Variants in ADAMTSL1 observed in about 807,000 individuals in gnomAD.
ADAMTSL1 encodes the protein ADAMTS-like protein 1.
In ADAMTSL1, 126 loss-of-function variants were observed where a neutral mutation model predicts 201.8. The ratio of observed to expected loss-of-function variants is 0.62; its 90% CI spans 0.54 to 0.72. ADAMTSL1 has a LOEUF of 0.72. ADAMTSL1 is among the 30% of genes least tolerant of loss of function. ADAMTSL1 has a pLI of 0.00. For missense variants in ADAMTSL1, 2,679 were observed against 2,277.8 expected (o/e 1.18, Z -3.59); for synonymous variants, 1,121 against 903.4 (o/e 1.24, Z -4.32).
At chr9:18,705,353 C>T (rs1310073233) in intron 13 of ADAMTSL1, among the ~76,000 whole-genome samples, 1 of 152,174 alleles carries the variant, frequency 6.6e-6, no homozygotes, top group Admixed American at 6.5e-5. Context: ...CTGAATTACA[C>T]TAACTTTTTG....
At chr9:18,458,432 A>C (rs181690882) in intron 2 of ADAMTSL1, among the ~76,000 whole-genome samples, 49 of 152,320 alleles carry the variant, frequency 3.2e-4, no homozygotes, top group Admixed American at 3.2e-3. Context: ...TGAGTGGATC[A>C]CTGCCCACAG....
intron 2 of ADAMTSL1, among the ~76,000 whole-genome samples, chr9:18,177,902 A>T (rs563832805): frequency 6.6e-4 from 100 of 152,310 alleles, no homozygotes; most frequent in African/African-American, 2.2e-3. Context: ...TAGGTGAAAC[A>T]ATAATTGAAT....
chr9:18,182,777 A>G (rs1828558611), intron 2 of ADAMTSL1, among the ~76,000 whole-genome samples: 1 of 152,206 alleles, frequency 6.6e-6, no homozygotes, highest in Admixed American at 6.5e-5. Context: ...CACCTTATCA[A>G]GGTTACATGC....
At chr9:18,627,227 C>G (rs897341621) in intron 5 of ADAMTSL1, among the ~76,000 whole-genome samples, 1 of 152,118 alleles carries the variant, frequency 6.6e-6, no homozygotes, top group African/African-American at 2.4e-5. Flanking sequence ...AGTGATCTGC[C>G]CACCTCAACC....
chr9:18,408,881 C>T (rs1211966122), intron 2 of ADAMTSL1, among the ~76,000 whole-genome samples: 1 of 152,078 alleles, frequency 6.6e-6, no homozygotes, highest in African/African-American at 2.4e-5. Context: ...TGAACCTAAA[C>T]CTTTTAAGAG....
chr9:17,979,456 A>G (rs747362871), intron 1 of ADAMTSL1, among the ~76,000 whole-genome samples: 46 of 152,014 alleles, frequency 3.0e-4, no homozygotes, highest in Middle Eastern at 3.4e-3. Context: ...GATCAGGGTC[A>G]TGCTTGATAA....
At chr9:18,449,187 ACT>A (rs907509431) in intron 2 of ADAMTSL1, among the ~76,000 whole-genome samples, 4 of 151,804 alleles carry the variant, frequency 2.6e-5, no homozygotes, top group African/African-American at 4.8e-5. Context: ...AATTCTTTGA[ACT>A]TTTTCTGAGT....
At chr9:18,088,973 TG>T (rs1823887550) in intron 1 of ADAMTSL1, among the ~76,000 whole-genome samples, 1 of 152,122 alleles carries the variant, frequency 6.6e-6, no homozygotes, top group African/African-American at 2.4e-5. Context: ...AAACAAGGTA[TG>T]GAAACAACCT....
At position 18,339,073 on chromosome 9, in the gene ADAMTSL1, G is replaced by T. The variant is rs1370611185; in HGVS notation, c.208-165756G>T. On this transcript the variant is annotated intron_variant, in intron 2 of 29. Coordinates refer to the ADAMTSL1 transcript ENST00000680146. ...TGTCTTTGCTATAGTGAATAGTGCT[G>T]CAGTGAACATACTCATGCACGTGTC... is the stretch of plus-strand genomic sequence containing the variant. 3.3e-5 allele frequency among the ~76,000 whole-genome samples: 5 copies of T among 152,074 alleles called. No homozygotes were observed. The East Asian group carries it at 7.7e-4, about 23-fold the overall frequency.
intron 1 of ADAMTSL1, among the ~76,000 whole-genome samples, chr9:17,909,206 A>C (rs1825838084): frequency 2.7e-5 from 4 of 147,218 alleles, no homozygotes; most frequent in Admixed American, 2.0e-4. Context: ...AGTTCATTGT[A>C]GATTCTGGGT....
chr9:18,730,588 T>TC (rs1352964658), intron 15 of ADAMTSL1, among the ~76,000 whole-genome samples: 1 of 152,228 alleles, frequency 6.6e-6, no homozygotes, highest in African/African-American at 2.4e-5. Context: ...CTTCTTCATT[T>TC]TATCTAGTTA....
intron 9 of ADAMTSL1, among the ~76,000 whole-genome samples, chr9:18,675,198 A>C (rs1830067650): frequency 6.6e-6 from 1 of 152,088 alleles, no homozygotes; most frequent in Admixed American, 6.6e-5. Flanking sequence ...ACAAAAACCC[A>C]CTTTTCATAA....
intron 1 of ADAMTSL1, among the ~76,000 whole-genome samples, chr9:18,144,579 C>T (rs1826547934): frequency 6.6e-6 from 1 of 152,130 alleles, no homozygotes; most frequent in Non-Finnish European, 1.5e-5. Context: ...CCTCCTATTT[C>T]AGTGCCCCTT....
intron 1 of ADAMTSL1, among the ~76,000 whole-genome samples, chr9:17,919,494 C>T (rs558569615): frequency 6.6e-6 from 1 of 152,154 alleles, no homozygotes; most frequent in East Asian, 1.9e-4. Context: ...CCCTCCCACC[C>T]TAGCCTAAAC....
chr9:18,397,968 C>T (rs1391813656), intron 2 of ADAMTSL1, among the ~76,000 whole-genome samples: 1 of 152,088 alleles, frequency 6.6e-6, no homozygotes, highest in East Asian at 1.9e-4. Context: ...GAGGTGTGTA[C>T]GTTTTAAAGA....
intron 3 of ADAMTSL1, among the ~76,000 whole-genome samples, chr9:18,566,988 C>T (rs769769977): frequency 3.9e-5 from 6 of 152,120 alleles, no homozygotes; most frequent in South Asian, 4.1e-4. Flanking sequence ...GTTCTCAAAG[C>T]GGGTTTGCCA....
intron 21 of ADAMTSL1, among the ~76,000 whole-genome samples, chr9:18,821,082 C>G (rs1824181761): frequency 6.6e-6 from 1 of 151,972 alleles, no homozygotes; most frequent in Admixed American, 6.6e-5. Flanking sequence ...GGTTTTTCTC[C>G]TAAAAGCAAA....
intron 2 of ADAMTSL1, among the ~76,000 whole-genome samples, chr9:18,352,853 G>C (rs564936182): frequency 6.6e-6 from 1 of 152,204 alleles, no homozygotes; most frequent in Non-Finnish European, 1.5e-5. Flanking sequence ...AAGTCTGTTA[G>C]ATATCTTGTT....
At chr9:17,978,189 C>T (rs2131454123) in intron 1 of ADAMTSL1, among the ~76,000 whole-genome samples, 1 of 151,992 alleles carries the variant, frequency 6.6e-6, no homozygotes, top group South Asian at 2.1e-4. Context: ...CATGTGTGTC[C>T]TTAAAGCCGA....
Sources: gnomAD v4.1 joint callset for allele counts (sites outside exome capture counted in the v4.1 genomes callset) on GRCh38, gnomAD v4.1.1 for gene constraint, MANE v1.5 for transcripts, NCBI Gene and HGNC (gene_info 2026-07-23, HGNC 2026-07-21) for gene names.